RIT2: variants seen among roughly 807,000 people sequenced by gnomAD.
RIT2 encodes the protein GTP-binding protein Rit2.
Under a neutral mutation model 23.7 loss-of-function variants are expected in RIT2, and 24 were observed. The ratio of observed to expected loss-of-function variants is 1.01; its 90% CI spans 0.73 to 1.43. RIT2 has a LOEUF of 1.43. Ranked by LOEUF, RIT2 falls within the 40% of genes most tolerant of loss-of-function variation. The pLI, the probability that RIT2 is intolerant of heterozygous loss-of-function variation, is 0.00. For synonymous variants in RIT2, 107 were observed against 91.1 expected, an observed-to-expected ratio of 1.17 and a Z score of -0.99; for missense variants, 236 against 266.9, an observed-to-expected ratio of 0.88 and a Z score of 0.81.
intron 1 of RIT2, among the ~76,000 whole-genome samples, chr18:43,087,147 T>C (rs905136238): frequency 1.3e-5 from 2 of 151,706 alleles, no homozygotes; most frequent in African/African-American, 4.8e-5. Context: ...CATTCTGAGG[T>C]ATGAGAATCA....
At chr18:42,928,668 A>G (rs780096275) in intron 3 of RIT2, among the ~76,000 whole-genome samples, 2 of 152,026 alleles carry the variant, frequency 1.3e-5, no homozygotes, top group Non-Finnish European at 2.9e-5. Context: ...TAATTTTTGC[A>G]AAGCAAAAGG....
chr18:42,747,127 T>C (rs1364299191), intron 4 of RIT2, among the ~76,000 whole-genome samples: 3 of 152,034 alleles, frequency 2.0e-5, no homozygotes, highest in Non-Finnish European at 4.4e-5. Context: ...AGTTTCCTGA[T>C]GATATAATTG....
chr18:42,876,661 T>C (rs1907751673), intron 4 of RIT2, among the ~76,000 whole-genome samples: 2 of 151,878 alleles, frequency 1.3e-5, no homozygotes, highest in Admixed American at 1.3e-4. Context: ...GTATCTTTTG[T>C]GTTTATGTAT....
At chr18:42,916,521 A>G (rs867447880) in intron 4 of RIT2, among the ~76,000 whole-genome samples, 2 of 152,138 alleles carry the variant, frequency 1.3e-5, no homozygotes, top group Admixed American at 6.6e-5. Context: ...GCGGAAGCCT[A>G]TATCAGAAAG....
chr18:42,919,144 T>C (rs1568030105), intron 4 of RIT2, among the ~76,000 whole-genome samples: 2 of 152,138 alleles, frequency 1.3e-5, no homozygotes, highest in Non-Finnish European at 2.9e-5. Flanking sequence ...CAAAGATAAA[T>C]AGATGCTTGA....
chr18:42,804,915 G>A (rs1215444155), intron 4 of RIT2, among the ~76,000 whole-genome samples: 1 of 152,190 alleles, frequency 6.6e-6, no homozygotes, highest in African/African-American at 2.4e-5. Context: ...GAGGCCATTG[G>A]AAAGGGAACA....
At chr18:42,894,330 TA>T (rs1908263947) in intron 4 of RIT2, among the ~76,000 whole-genome samples, 1 of 152,240 alleles carries the variant, frequency 6.6e-6, no homozygotes, top group Non-Finnish European at 1.5e-5. Flanking sequence ...CTGAATCCAA[TA>T]ATCAGCAAGA....
intron 3 of RIT2, among the ~76,000 whole-genome samples, chr18:42,968,689 T>C (rs1483749099): frequency 6.6e-6 from 1 of 152,198 alleles, no homozygotes. Context: ...TCCTCATATA[T>C]TTCTGACTAT....
chr18:42,929,466 G>C (rs1909273710), intron 3 of RIT2, among the ~76,000 whole-genome samples: 1 of 152,084 alleles, frequency 6.6e-6, no homozygotes, highest in Non-Finnish European at 1.5e-5. Context: ...TGTAATAATT[G>C]AGAATGATAT....
chr18:42,837,477 A>ATT (rs1568009049), intron 4 of RIT2, among the ~76,000 whole-genome samples: 1 of 151,840 alleles, frequency 6.6e-6, no homozygotes, highest in African/African-American at 2.4e-5. Context: ...TCTTTTTTAA[A>ATT]AAAAAAAATG....
In RIT2 at chr18:42,987,116, G is replaced by C. The variant is rs1319762021; in HGVS notation, c.161-12969C>G. On this transcript the variant is annotated intron_variant, in intron 2 of 4. Coordinates refer to ENST00000326695, the MANE Select transcript of RIT2 (RefSeq NM_002930.4). ...GTGGCAGGCTGAATTATTGGTTTCA[G>C]TTATATATATACACATATGTGTGTG... 1.6e-4 allele frequency among the ~76,000 whole-genome samples: 24 copies of C among 152,168 alleles called. No homozygotes were observed. The East Asian group carries it at 4.3e-3, about 27-fold the overall frequency.
At chr18:43,087,174 G>A (rs920700343) in intron 1 of RIT2, among the ~76,000 whole-genome samples, 5 of 151,986 alleles carry the variant, frequency 3.3e-5, no homozygotes, top group African/African-American at 1.2e-4. Flanking sequence ...CCTGGGAGGT[G>A]GAGGTTGCAG....
chr18:42,974,127 C>T lies in RIT2; in HGVS notation c.181G>A (p.Val61Ile). 6.2e-7 allele frequency: 1 copy of T among 1,611,198 alleles called. No individual in the cohort carries two copies. Among genetic ancestry groups the T allele is most frequent in the Non-Finnish European group, 8.5e-7 (1 of 1,178,222 alleles). Reference sequence around the variant, plus strand: ...TAAGCTGGCTCATTGTCAATCCTGACCTGGGTCTTATAAGCATCTTCTGAA... The same window carrying T: ...TAAGCTGGCTCATTGTCAATCCTGATCTGGGTCTTATAAGCATCTTCTGAA... ...PTIEDAYKTQ[V>I]RIDNEPAYLD... The change falls in exon 3 of 5, where the codon GTC (valine) becomes ATC (isoleucine). Residue 61 changes from valine to isoleucine, a missense_variant. Val to Ile is a conservative substitution (Grantham distance 29). Coordinates refer to ENST00000326695, the MANE Select transcript of RIT2 (RefSeq NM_002930.4).
At chr18:43,059,707 T>C (rs938813254) in intron 1 of RIT2, among the ~76,000 whole-genome samples, 4 of 152,204 alleles carry the variant, frequency 2.6e-5, no homozygotes, top group African/African-American at 4.8e-5. Flanking sequence ...CTTGTTTTAT[T>C]GCTCCATGAA....
intron 4 of RIT2, among the ~76,000 whole-genome samples, chr18:42,756,683 G>A (rs965127721): frequency 6.6e-6 from 1 of 152,030 alleles, no homozygotes; most frequent in African/African-American, 2.4e-5. Flanking sequence ...GTATGTGCAT[G>A]CCTAAGGATA....
chr18:42,747,680 G>C (rs1171762036), intron 4 of RIT2, among the ~76,000 whole-genome samples: 1 of 151,834 alleles, frequency 6.6e-6, no homozygotes, highest in Non-Finnish European at 1.5e-5. Context: ...CATGGTACTG[G>C]TATATAGGCA....
chr18:42,794,716 G>T (rs1914116923), intron 4 of RIT2, among the ~76,000 whole-genome samples: 1 of 152,188 alleles, frequency 6.6e-6, no homozygotes, highest in South Asian at 2.1e-4. Flanking sequence ...TGGAATTATT[G>T]TATGGTGCAC....
chr18:42,776,648 A>G (rs1913679053), intron 4 of RIT2, among the ~76,000 whole-genome samples: 1 of 152,186 alleles, frequency 6.6e-6, no homozygotes, highest in Admixed American at 6.5e-5. Context: ...TATCATGTCC[A>G]TTTATGAACA....
chr18:43,019,711 G>A (rs919991814), intron 2 of RIT2, among the ~76,000 whole-genome samples: 1 of 151,880 alleles, frequency 6.6e-6, no homozygotes, highest in African/African-American at 2.4e-5. Flanking sequence ...AGAACAATAT[G>A]AAAGACAACA....
Sources: gnomAD v4.1 joint callset for allele counts (sites outside exome capture counted in the v4.1 genomes callset) on GRCh38, gnomAD v4.1.1 for gene constraint, MANE v1.5 for transcripts, NCBI Gene and HGNC (gene_info 2026-07-23, HGNC 2026-07-21) for gene names.